Variants in MBTPS1 observed in about 807,000 individuals in gnomAD.
The protein encoded by MBTPS1 is membrane-bound transcription factor site-1 protease.
A neutral mutation model predicts 127.8 loss-of-function variants in MBTPS1; 94 were observed. The observed-to-expected ratio is 0.74, with a 90% CI of 0.62 to 0.87. MBTPS1 has a LOEUF of 0.87. Among genes scored for constraint, MBTPS1 ranks in the 40% least tolerant of loss-of-function variants. MBTPS1 has a pLI of 0.00. For synonymous variants in MBTPS1, 632 were observed against 509.4 expected (o/e 1.24, Z -3.24); for missense variants, 1,636 against 1,353.2 (o/e 1.21, Z -3.28).
chr16:84,073,092 T>C (rs2085796743), intron 12 of MBTPS1, among the ~76,000 whole-genome samples: 1 of 152,232 alleles, frequency 6.6e-6, no homozygotes, highest in Non-Finnish European at 1.5e-5. Flanking sequence ...TATTTCTATA[T>C]AAACAACCAT....
chr16:84,092,907 C>T (rs1486683259), intron 6 of MBTPS1, among the ~76,000 whole-genome samples: 1 of 152,142 alleles, frequency 6.6e-6, no homozygotes, highest in Non-Finnish European at 1.5e-5. Flanking sequence ...CTGGGGAAGC[C>T]TGGAGGTAGA....
chr16:84,097,674 A>G (rs915371339), intron 3 of MBTPS1, among the ~76,000 whole-genome samples: 2 of 152,214 alleles, frequency 1.3e-5, no homozygotes, highest in Non-Finnish European at 2.9e-5. Flanking sequence ...CATTTGGCTA[A>G]CTGTATCAGG....
intron 18 of MBTPS1, among the ~76,000 whole-genome samples, chr16:84,063,976 C>T (rs1009373911): frequency 2.6e-5 from 4 of 152,166 alleles, no homozygotes; most frequent in African/African-American, 4.8e-5. Flanking sequence ...TTTAAGACAT[C>T]GGTTACATTA....
chr16:84,054,832 G>A (rs2085496519), intron 22 of MBTPS1, among the ~76,000 whole-genome samples, 187 bp from the exon 23 acceptor site: 3 of 152,196 alleles, frequency 2.0e-5, no homozygotes. Context: ...GTGGATGAGA[G>A]CAAAGAGCAG....
chr16:84,060,843 T>G (rs1266733139), intron 19 of MBTPS1, 30 bp from the exon 20 acceptor site: 13 of 1,524,290 alleles, frequency 8.5e-6, no homozygotes, highest in African/African-American at 5.6e-5. Flanking sequence ...GTTTAGGAAT[T>G]CCTTTTTTTT....
intron 14 of MBTPS1, 35 bp from the exon 15 acceptor site, chr16:84,068,489 G>T (rs764523274): frequency 5.6e-6 from 8 of 1,417,366 alleles, no homozygotes; most frequent in South Asian, 1.1e-5. Context: ...TAAAATGATC[G>T]ATCTTTACTG....
chr16:84,062,207 G>C (rs908193859), intron 19 of MBTPS1, among the ~76,000 whole-genome samples: 1 of 152,110 alleles, frequency 6.6e-6, no homozygotes, highest in Admixed American at 6.5e-5. Context: ...TGCAACCTCT[G>C]CCTCCCGGGT....
chr16:84,067,793 T>C lies in MBTPS1; in HGVS notation c.2102A>G (p.Glu701Gly), dbSNP rs2085708818. Residue 701 changes from glutamate to glycine, a missense_variant, in exon 16 of 23, where the codon GAG (glutamate) becomes GGG (glycine). Transcript: ENST00000343411. ...GTLLMVDSEEEYFPEEIAKLR... is the reference protein window; with the variant it reads ...GTLLMVDSEEGYFPEEIAKLR... ...CTTGGCGATCTCTTCAGGGAAGTAC[T>C]CCTCCTCACTGTCCACCATCAGCAA... 3.7e-6 allele frequency: 6 copies of C among 1,612,940 alleles called. No homozygotes were observed. Among genetic ancestry groups the C allele is most frequent in the Non-Finnish European group, 3.4e-6 (4 of 1,179,062 alleles).
chr16:84,065,130 T>A (rs979024889), intron 18 of MBTPS1, among the ~76,000 whole-genome samples: 1 of 151,942 alleles, frequency 6.6e-6, no homozygotes, highest in African/African-American at 2.4e-5. Context: ...AGTTTTTTTT[T>A]TTTTTTTGAG....
intron 1 of MBTPS1, among the ~76,000 whole-genome samples, chr16:84,106,523 T>A (rs868333392): frequency 6.6e-6 from 1 of 151,664 alleles, no homozygotes; most frequent in East Asian, 1.9e-4. Flanking sequence ...ATTCCTGGTG[T>A]GTGTGTGAGG....
At chr16:84,079,473 C>G (rs2085907434) in intron 11 of MBTPS1, among the ~76,000 whole-genome samples, 1 of 152,060 alleles carries the variant, frequency 6.6e-6, no homozygotes, top group African/African-American at 2.4e-5. Context: ...AAGAATTAAC[C>G]TAAGTAACTG....
rs765110147 is a variant in MBTPS1, at chr16:84,081,874, T to G, written c.1321A>C (p.Ser441Arg). The change falls in exon 11 of 23, where the codon AGT becomes CGT. Residue 441 changes from serine (S) to arginine (R), a missense_variant. Physicochemically the swap from Ser to Arg is moderately radical, Grantham distance 110 (BLOSUM62 -1). Coordinates refer to ENST00000343411, the MANE Select transcript of MBTPS1 (RefSeq NM_003791.4). ...GACGCGATCAGGGCCTGCTTCATAC[T>G]GGCGGGATTCACCAGCTCACGCTTC... ...VQKRELVNPASMKQALIASAR... is the reference protein window; with the variant it reads ...VQKRELVNPARMKQALIASAR... 4 of 1,485,594 alleles carry G rather than the reference T, an allele frequency of 2.7e-6. No individual in the cohort carries two copies. Among genetic ancestry groups the G allele is most frequent in the Non-Finnish European group, 1.8e-6 (2 of 1,114,842 alleles). 92.0% of individuals were successfully genotyped at this position (1,485,594 alleles called of 1,614,324 possible).
intron 16 of MBTPS1, 51 bp from the exon 17 acceptor site, chr16:84,066,664 TAC>T (rs1343462331): frequency 1.3e-6 from 2 of 1,582,860 alleles, no homozygotes; most frequent in Admixed American, 1.7e-5. Flanking sequence ...AGACACTCCA[TAC>T]ACAGTTATTT....
chr16:84,077,234 G>GAAAAAAA (rs1191331764), intron 11 of MBTPS1, among the ~76,000 whole-genome samples: 5 of 100,270 alleles, frequency 5.0e-5, no homozygotes, highest in Admixed American at 1.1e-4. Flanking sequence ...CATTAAAAAA[G>GAAAAAAA]AAAAAAAAAA....
intron 6 of MBTPS1, among the ~76,000 whole-genome samples, chr16:84,092,832 C>T (rs991723820): frequency 2.0e-5 from 3 of 152,182 alleles, no homozygotes; most frequent in Non-Finnish European, 1.5e-5. Context: ...GGGAGGCAAG[C>T]ACACTTATTC....
At chr16:84,071,142 G>A (rs1465687213) in intron 12 of MBTPS1, among the ~76,000 whole-genome samples, 1 of 152,164 alleles carries the variant, frequency 6.6e-6, no homozygotes, top group African/African-American at 2.4e-5. Context: ...CCAATTAGTT[G>A]TATGCTTTAA....
intron 11 of MBTPS1, 194 bp downstream of exon 11, chr16:84,081,553 T>A (rs956766704): frequency 2.5e-6 from 1 of 393,550 alleles, no homozygotes; most frequent in Non-Finnish European, 4.5e-6. Flanking sequence ...AAAGATCACA[T>A]CAGTAAGCGA....
intron 11 of MBTPS1, 27 bp downstream of exon 11, chr16:84,081,720 G>A (rs771470019): frequency 7.5e-7 from 1 of 1,335,724 alleles, no homozygotes; most frequent in South Asian, 2.5e-5. Context: ...AGGAGAGAAA[G>A]ACCCATCGGC....
At chr16:84,100,135 G>A (rs1316621828) in intron 2 of MBTPS1, among the ~76,000 whole-genome samples, 2 of 152,184 alleles carry the variant, frequency 1.3e-5, no homozygotes, top group African/African-American at 4.8e-5. Context: ...GTGTAGGCTG[G>A]GCACAGTGGC....
Sources: gnomAD v4.1 joint callset for allele counts (sites outside exome capture counted in the v4.1 genomes callset) on GRCh38, gnomAD v4.1.1 for gene constraint, MANE v1.5 for transcripts, NCBI Gene and HGNC (gene_info 2026-07-23, HGNC 2026-07-21) for gene names.